The following FHOD3 variants were observed in gnomAD, a reference collection of about 807,000 sequenced individuals.
FHOD3 encodes the protein FH1/FH2 domain-containing protein 3.
FHOD3 carries 90 observed loss-of-function variants against 173.0 expected under a neutral mutation model. The ratio of observed to expected loss-of-function variants is 0.52; its 90% CI spans 0.44 to 0.62. FHOD3 has a LOEUF of 0.62. FHOD3 is among the 20% of genes least tolerant of loss of function. FHOD3 has a pLI of 0.00. For synonymous variants in FHOD3, 828 were observed against 823.0 expected, an observed-to-expected ratio of 1.01 and a Z score of -0.10; for missense variants, 1,945 against 2,034.7, an observed-to-expected ratio of 0.96 and a Z score of 0.85.
At chr18:36,582,032 G>T (rs1041926846) in intron 6 of FHOD3, among the ~76,000 whole-genome samples, 1 of 152,192 alleles carries the variant, frequency 6.6e-6, no homozygotes, top group African/African-American at 2.4e-5. Flanking sequence ...GGAATCAAAG[G>T]TTGGGGGTCA....
At chr18:36,352,536 A>T (rs956912407) in intron 1 of FHOD3, among the ~76,000 whole-genome samples, 1 of 152,112 alleles carries the variant, frequency 6.6e-6, no homozygotes, top group Non-Finnish European at 1.5e-5. Context: ...TGGTGGGAGT[A>T]TTTATGCCAC....
intron 5 of FHOD3, among the ~76,000 whole-genome samples, chr18:36,521,909 C>T (rs562305616): frequency 6.6e-6 from 1 of 152,316 alleles, no homozygotes; most frequent in East Asian, 1.9e-4. Flanking sequence ...CAGACCTTGG[C>T]ATCTGCCTAC....
chr18:36,306,213 T>A (rs1381206944), intron 1 of FHOD3, among the ~76,000 whole-genome samples: 1 of 152,174 alleles, frequency 6.6e-6, no homozygotes, highest in East Asian at 1.9e-4. Flanking sequence ...GAGAGGACAT[T>A]TGCAGTGTCC....
intron 4 of FHOD3, among the ~76,000 whole-genome samples, chr18:36,504,359 A>T (rs2055188072): frequency 6.6e-6 from 1 of 152,094 alleles, no homozygotes; most frequent in Admixed American, 6.6e-5. Flanking sequence ...GTCCCTCCGA[A>T]TACCATTAAA....
chr18:36,359,434 T>A (rs1001159243), intron 2 of FHOD3, among the ~76,000 whole-genome samples: 1 of 152,222 alleles, frequency 6.6e-6, no homozygotes, highest in Non-Finnish European at 1.5e-5. Context: ...CATCACCTTC[T>A]GAGGCCAGGG....
At chr18:36,553,569 T>G (rs1016356974) in intron 5 of FHOD3, among the ~76,000 whole-genome samples, 1 of 152,208 alleles carries the variant, frequency 6.6e-6, no homozygotes, top group African/African-American at 2.4e-5. Context: ...GTCAAGGAAT[T>G]TATCCATTTG....
chr18:36,744,324 T>G lies in FHOD3; in HGVS notation c.4041+131T>G, dbSNP rs114356095. The G allele has an allele frequency of 8.4e-3, 7,235 of 859,548 alleles. 380 individuals are homozygous for G. The African/African-American group carries it at 0.11, about 13-fold the overall frequency. The allele number at this position is 859,548 out of a possible 1,614,324, so 53.2% of individuals were successfully genotyped here. On this transcript the variant is annotated intron_variant, in intron 23 of 28. Transcript: ENST00000590592. ...GCTGCCTGCATTCTCTGCTCTGGAG[T>G]TTATGAATATGATTTGTTTTGTGGC... is the stretch of plus-strand genomic sequence containing the variant.
chr18:36,297,943 C>G lies in FHOD3; in HGVS notation c.108C>G (p.Asp36Glu). ...CGCCGCTGTTCACGTTCCGCGAGGA[C>G]CTCGCGCTCGGCACCCAGCTGGCGG... The part of the protein sequence containing the change: ...SRPPLFTFRE[D>E]LALGTQLAGV... Residue 36 changes from aspartate (D) to glutamate (E), a missense_variant, in exon 1 of 29, where the codon GAC becomes GAG. Asp to Glu is a conservative substitution (Grantham distance 45). Transcript: ENST00000590592. 1 of 1,565,656 alleles carries G rather than the reference C, an allele frequency of 6.4e-7. No homozygotes were observed.
chr18:36,547,561 G>A (rs1012927709), intron 5 of FHOD3, among the ~76,000 whole-genome samples: 2 of 152,106 alleles, frequency 1.3e-5, no homozygotes, highest in South Asian at 4.1e-4. Context: ...ATGAGCCACC[G>A]TGCCCAGCTG....
chr18:36,497,126 TACTC>T (rs2054786932), intron 3 of FHOD3, among the ~76,000 whole-genome samples: 1 of 152,358 alleles, frequency 6.6e-6, no homozygotes, highest in South Asian at 2.1e-4. Context: ...CATATTTTCT[TACTC>T]AGTTTTGTTT....
intron 6 of FHOD3, among the ~76,000 whole-genome samples, chr18:36,580,066 T>C (rs775268132): frequency 5.3e-4 from 80 of 152,262 alleles, no homozygotes; most frequent in Admixed American, 1.2e-3. Flanking sequence ...CAGGAAAGAA[T>C]AAACACACAG....
intron 3 of FHOD3, among the ~76,000 whole-genome samples, chr18:36,413,722 A>G (rs1456041348): frequency 1.3e-5 from 2 of 152,244 alleles, no homozygotes; most frequent in Non-Finnish European, 1.5e-5. Context: ...TGCCCTACAT[A>G]TAACTTAAAC....
At chr18:36,337,789 G>C (rs187002785) in intron 1 of FHOD3, among the ~76,000 whole-genome samples, 2 of 152,184 alleles carry the variant, frequency 1.3e-5, no homozygotes, top group Non-Finnish European at 2.9e-5. Flanking sequence ...CCTATACTTT[G>C]TGATGCCAGG....
intron 3 of FHOD3, among the ~76,000 whole-genome samples, chr18:36,454,779 G>C (rs1191396392): frequency 3.3e-5 from 5 of 152,038 alleles, no homozygotes; most frequent in Non-Finnish European, 7.4e-5. Context: ...TTCGGCATGG[G>C]GGAGGATATT....
At chr18:36,595,605 C>T (rs553375810) in intron 7 of FHOD3, among the ~76,000 whole-genome samples, 1 of 152,148 alleles carries the variant, frequency 6.6e-6, no homozygotes, top group African/African-American at 2.4e-5. Flanking sequence ...TCGGGGTTGC[C>T]TGCTCAAGGA....
intron 3 of FHOD3, among the ~76,000 whole-genome samples, chr18:36,418,849 G>A (rs1391379352): frequency 1.3e-5 from 2 of 152,118 alleles, no homozygotes; most frequent in Non-Finnish European, 2.9e-5. Flanking sequence ...GGGAGGCAGA[G>A]GTTGCAATGA....
intron 1 of FHOD3, among the ~76,000 whole-genome samples, chr18:36,335,368 G>A (rs1451229986): frequency 3.3e-5 from 5 of 151,716 alleles, no homozygotes; most frequent in Non-Finnish European, 5.9e-5. Context: ...GGTAGCGGGC[G>A]CCTGTAGTCC....
At chr18:36,485,748 C>T (rs1423782291) in intron 3 of FHOD3, among the ~76,000 whole-genome samples, 3 of 152,158 alleles carry the variant, frequency 2.0e-5, no homozygotes, top group Non-Finnish European at 4.4e-5. Context: ...CATTGCTCAG[C>T]CAACCTACCA....
chr18:36,774,696 CAA>C (rs1270556677), intron 28 of FHOD3, among the ~76,000 whole-genome samples: 2 of 152,098 alleles, frequency 1.3e-5, no homozygotes, highest in African/African-American at 4.8e-5. Flanking sequence ...AGAAAAGTTG[CAA>C]AAATAGTAGG....
Sources: allele counts gnomAD v4.1 joint callset (sites outside exome capture counted in the v4.1 genomes callset), GRCh38; gene constraint gnomAD v4.1.1; transcripts MANE v1.5; gene names NCBI Gene and HGNC (gene_info 2026-07-23, HGNC 2026-07-21).